Variants in LOC128125822 observed in about 807,000 individuals in gnomAD.
At chr6:63,573,387 C>T in the LOC128125822 span, 1 of 152,422 alleles carries the variant, frequency 6.6e-6, no homozygotes, top group African/African-American at 2.4e-5. Flanking sequence ...GGGACAGCCA[C>T]TGGGTGCAGC....
At chr6:63,578,549 T>TA in the LOC128125822 span, 1 of 1,603,458 alleles carries the variant, frequency 6.2e-7, no homozygotes, top group Non-Finnish European at 8.5e-7. Flanking sequence ...TAACAGTTCT[T>TA]ATGGGTTTAT....
At chr6:63,579,364 T>C in the LOC128125822 span, 1 of 1,499,038 alleles carries the variant, frequency 6.7e-7, no homozygotes, top group Non-Finnish European at 9.2e-7. Flanking sequence ...ATTTGTACTC[T>C]CTTTCATTTC....
chr6:63,576,606 T>G, the LOC128125822 span: 1 of 477,778 alleles, frequency 2.1e-6, no homozygotes, highest in East Asian at 3.3e-5. Flanking sequence ...AGTGTTGAAT[T>G]GAAATCCACA....
the LOC128125822 span, among the ~76,000 whole-genome samples, chr6:63,574,030 A>T: frequency 6.6e-6 from 1 of 152,100 alleles, no homozygotes; most frequent in Non-Finnish European, 1.5e-5. Context: ...CTACCAGTCC[A>T]CGAGTATTAA....
the LOC128125822 span, among the ~76,000 whole-genome samples, chr6:63,575,658 A>G: frequency 2.0e-5 from 3 of 152,218 alleles, no homozygotes; most frequent in Non-Finnish European, 4.4e-5. Context: ...GTTTTAAAAT[A>G]CAAAAGAACA....
the LOC128125822 span, among the ~76,000 whole-genome samples, chr6:63,577,328 C>T: frequency 9.2e-5 from 14 of 152,114 alleles, no homozygotes; most frequent in African/African-American, 2.7e-4. Context: ...ATGCCATAAA[C>T]CAGTTGGTTT....
At chr6:63,573,506 G>A in the LOC128125822 span, 2 of 152,096 alleles carry the variant, frequency 1.3e-5, no homozygotes, top group Non-Finnish European at 1.5e-5. Context: ...GCGGAGAGGG[G>A]GCGCAGCGGG....
At chr6:63,574,805 T>G in the LOC128125822 span, among the ~76,000 whole-genome samples, 1 of 152,282 alleles carries the variant, frequency 6.6e-6, no homozygotes, top group African/African-American at 2.4e-5. Context: ...GAGGTTGTAT[T>G]TAGAATTTGG....
the LOC128125822 span, among the ~76,000 whole-genome samples, chr6:63,576,184 G>A: frequency 6.6e-6 from 1 of 150,974 alleles, no homozygotes; most frequent in African/African-American, 2.4e-5. Flanking sequence ...CAATGGGTTT[G>A]GTTTTTTTTT....
chr6:63,574,540 T>C, the LOC128125822 span, among the ~76,000 whole-genome samples: 1 of 152,210 alleles, frequency 6.6e-6, no homozygotes, highest in African/African-American at 2.4e-5. Context: ...AAGGGAATTC[T>C]TAATATAGTT....
chr6:63,579,231 A>AT, the LOC128125822 span: 5 of 1,571,972 alleles, frequency 3.2e-6, no homozygotes, highest in East Asian at 1.1e-4. Context: ...TGAAAAAACT[A>AT]TTTATCAAAA....
At chr6:63,581,982 CAAAGTT>C in the LOC128125822 span, 2 of 152,064 alleles carry the variant, frequency 1.3e-5, no homozygotes, top group Non-Finnish European at 2.9e-5. Flanking sequence ...GTAAAGGACT[CAAAGTT>C]TAAGTAAAAA....
the LOC128125822 span, chr6:63,576,570 A>G: frequency 8.8e-6 from 4 of 457,012 alleles, no homozygotes; most frequent in Non-Finnish European, 1.5e-5. Flanking sequence ...AGAAGCCCCC[A>G]TAAGAGTGGT....
chr6:63,583,476 C>A, the LOC128125822 span: 1 of 152,068 alleles, frequency 6.6e-6, no homozygotes, highest in Admixed American at 6.6e-5. Flanking sequence ...TATTTGCCTT[C>A]AATGAATTAA....
the LOC128125822 span, among the ~76,000 whole-genome samples, chr6:63,576,144 AAT>A: frequency 6.6e-6 from 1 of 150,496 alleles, no homozygotes; most frequent in East Asian, 1.9e-4. Flanking sequence ...AATATATATG[AAT>A]ATATATATGA....
the LOC128125822 span, chr6:63,582,422 A>C: frequency 6.6e-6 from 1 of 152,658 alleles, no homozygotes; most frequent in South Asian, 2.1e-4. Flanking sequence ...TACTTTATAA[A>C]CCTTATCTGT....
chr6:63,580,195 C>A, the LOC128125822 span: 2 of 1,550,098 alleles, frequency 1.3e-6, no homozygotes, highest in Non-Finnish European at 1.8e-6. Context: ...CCTAATGCTA[C>A]TGGAAGTGGA....
the LOC128125822 span, chr6:63,581,142 ATTT>A: frequency 6.7e-6 from 1 of 150,074 alleles, no homozygotes; most frequent in Non-Finnish European, 1.5e-5. Flanking sequence ...TGAAAGTGTG[ATTT>A]TTTTTTTCCT....
At chr6:63,573,680 A>G in the LOC128125822 span, 4 of 152,240 alleles carry the variant, frequency 2.6e-5, no homozygotes, top group East Asian at 7.7e-4. Flanking sequence ...GCTGTTCCGG[A>G]TTTATCGCCC....
Sources: allele counts gnomAD v4.1 joint callset (sites outside exome capture counted in the v4.1 genomes callset), GRCh38; gene constraint gnomAD v4.1.1; transcripts MANE v1.5.